Variants in CFAP61 observed in about 807,000 individuals in gnomAD.
CFAP61 encodes the protein cilia and flagella associated protein 61.
Under a neutral mutation model 135.6 loss-of-function variants are expected in CFAP61, and 107 were observed. The ratio of observed to expected loss-of-function variants is 0.79; its 90% CI spans 0.67 to 0.93. The LOEUF is 0.93. Ranked by LOEUF, CFAP61 falls within the 40% of genes least tolerant of loss-of-function variation. The probability of loss-of-function intolerance (pLI) is 0.00; values close to 1 mark genes in which losing one functional copy is unlikely to be tolerated. For synonymous variants in CFAP61, 575 were observed against 578.5 expected (o/e 0.99, Z 0.09); for missense variants, 1,507 against 1,556.2 (o/e 0.97, Z 0.53).
intron 9 of CFAP61, among the ~76,000 whole-genome samples, chr20:20,157,029 T>C (rs930420016): frequency 6.6e-6 from 1 of 152,322 alleles, no homozygotes; most frequent in African/African-American, 2.4e-5. Context: ...AGAGAAACTT[T>C]GAAAAATAAC....
intron 8 of CFAP61, among the ~76,000 whole-genome samples, chr20:20,103,443 A>T (rs1436779857): frequency 1.3e-5 from 2 of 152,032 alleles, no homozygotes; most frequent in Non-Finnish European, 2.9e-5. Flanking sequence ...ATAAGGAAAA[A>T]CTAGTAGAAG....
At chr20:20,184,246 A>G (rs1016822354) in intron 13 of CFAP61, among the ~76,000 whole-genome samples, 1 of 152,180 alleles carries the variant, frequency 6.6e-6, no homozygotes, top group Non-Finnish European at 1.5e-5. Context: ...GTAAAAAAAC[A>G]TGTAATAAGC....
intron 8 of CFAP61, among the ~76,000 whole-genome samples, chr20:20,138,558 C>T (rs963151932): frequency 6.6e-6 from 1 of 152,248 alleles, no homozygotes; most frequent in Non-Finnish European, 1.5e-5. Flanking sequence ...TTCCACGCCA[C>T]GTGGCTACTG....
chr20:20,188,216 G>A (rs1354833098), intron 14 of CFAP61, among the ~76,000 whole-genome samples, 160 bp downstream of exon 14: 1 of 152,218 alleles, frequency 6.6e-6, no homozygotes, highest in Non-Finnish European at 1.5e-5. Flanking sequence ...AAACTGTGGA[G>A]ACTGGGGCTT....
chr20:20,118,984 T>C (rs1332430421), intron 8 of CFAP61, among the ~76,000 whole-genome samples: 1 of 152,088 alleles, frequency 6.6e-6, no homozygotes, highest in Admixed American at 6.6e-5. Context: ...GCCCGACTGG[T>C]GAATGATATC....
intron 25 of CFAP61, among the ~76,000 whole-genome samples, chr20:20,336,494 G>T (rs1171939581): frequency 6.6e-6 from 1 of 151,988 alleles, no homozygotes; most frequent in Non-Finnish European, 1.5e-5. Flanking sequence ...GTGTGATGGT[G>T]TGCACCTATA....
chr20:20,186,388 T>C (rs978769377), intron 13 of CFAP61, among the ~76,000 whole-genome samples: 1 of 152,226 alleles, frequency 6.6e-6, no homozygotes, highest in Non-Finnish European at 1.5e-5. Flanking sequence ...TGTTCTGTTG[T>C]ATGTATCAAT....
chr20:20,119,931 C>T (rs778617951), intron 8 of CFAP61, among the ~76,000 whole-genome samples: 5 of 152,114 alleles, frequency 3.3e-5, no homozygotes, highest in Non-Finnish European at 5.9e-5. Context: ...GTAAGGATAA[C>T]GGCATCCAGC....
chr20:20,151,829 C>CAA (rs386393498), intron 9 of CFAP61, among the ~76,000 whole-genome samples: 13 of 53,356 alleles, frequency 2.4e-4, no homozygotes, highest in East Asian at 4.8e-4. Flanking sequence ...GACTCCGTCT[C>CAA]AAAAAAAAAA....
intron 8 of CFAP61, among the ~76,000 whole-genome samples, chr20:20,131,262 C>G (rs993081267): frequency 8.7e-5 from 13 of 148,838 alleles, no homozygotes; most frequent in Admixed American, 2.6e-4. Flanking sequence ...AGCCAGCTTG[C>G]TTCTACACTG....
chr20:20,249,178 C>T (rs1347895446), intron 19 of CFAP61, among the ~76,000 whole-genome samples: 3 of 152,124 alleles, frequency 2.0e-5, no homozygotes, highest in Admixed American at 1.3e-4. Context: ...TAGTTTCACT[C>T]AACTGGTGAG....
intron 20 of CFAP61, chr20:20,253,449 C>T: frequency 3.2e-6 from 1 of 312,842 alleles, no homozygotes; most frequent in Non-Finnish European, 6.3e-6. Flanking sequence ...CATGGGTTAA[C>T]CTGACCCTGA....
rs1602210678 is a variant in CFAP61, at chr20:20,360,624, G to A, written c.*214G>A. Reference sequence around the variant, plus strand: ...TGTGCCTCTCTTCTGGGGCAGGCTCGCTTTACAAATCCCAGGCATGTTCCT... The same window carrying A: ...TGTGCCTCTCTTCTGGGGCAGGCTCACTTTACAAATCCCAGGCATGTTCCT... On this transcript the variant is annotated 3_prime_UTR_variant, in exon 27 of 27. Transcript: ENST00000245957. 3 of 574,744 alleles carry A rather than the reference G, an allele frequency of 5.2e-6. No individual in the cohort carries two copies. The highest frequency in any genetic ancestry group is 9.2e-6 in the Non-Finnish European group (3 of 326,102). The allele number at this position is 574,744 out of a possible 1,614,324, so 35.6% of individuals were successfully genotyped here. A position where few individuals can be genotyped will look rare whatever the true frequency, so the allele number is the denominator to read the frequency against.
chr20:20,298,229 A>T lies in CFAP61; in HGVS notation c.3265A>T (p.Ile1089Phe), dbSNP rs371256877. Residue 1089 changes from isoleucine (I) to phenylalanine (F), a missense_variant, in exon 25 of 27, where the codon ATT becomes TTT. Coordinates refer to ENST00000245957, the MANE Select transcript of CFAP61 (RefSeq NM_015585.4). ...TGCGAAAAATGGGACTTACTTCCGA[A>T]TTCATATTAACAAGTATAAAATGGT... ...GSAKNGTYFR[I>F]HINKYKMVET... The T allele has an allele frequency of 1.2e-6, 2 of 1,614,010 alleles. No homozygotes were observed. The highest frequency in any genetic ancestry group is 2.7e-5 in the African/African-American group (2 of 74,890).
intron 2 of CFAP61, among the ~76,000 whole-genome samples, chr20:20,067,344 A>T (rs942196063): frequency 1.3e-5 from 2 of 152,092 alleles, no homozygotes; most frequent in Non-Finnish European, 2.9e-5. Flanking sequence ...GCAGTTTGGG[A>T]GGTTGAGGTG....
intron 6 of CFAP61, among the ~76,000 whole-genome samples, chr20:20,077,127 A>T (rs1056851562): frequency 6.6e-6 from 1 of 152,200 alleles, no homozygotes; most frequent in Non-Finnish European, 1.5e-5. Flanking sequence ...AGACAGCTTC[A>T]TTACAACTGC....
At chr20:20,268,197 A>G (rs2052953558) in intron 21 of CFAP61, among the ~76,000 whole-genome samples, 1 of 152,168 alleles carries the variant, frequency 6.6e-6, no homozygotes, top group African/African-American at 2.4e-5. Flanking sequence ...GAGTTGGGGC[A>G]AGGGAGCCAA....
intron 16 of CFAP61, 62 bp from the exon 17 acceptor site, chr20:20,199,706 A>G: frequency 1.9e-6 from 3 of 1,586,392 alleles, no homozygotes; most frequent in South Asian, 1.1e-5. Flanking sequence ...AGCTGTACGC[A>G]GACATCTGTG....
chr20:20,058,272 G>T (rs906839052), intron 2 of CFAP61, among the ~76,000 whole-genome samples: 2 of 152,092 alleles, frequency 1.3e-5, no homozygotes, highest in African/African-American at 4.8e-5. Flanking sequence ...TTATTTTTTG[G>T]CATTATGGTG....
Sources: gnomAD v4.1 joint callset for allele counts (sites outside exome capture counted in the v4.1 genomes callset) on GRCh38, gnomAD v4.1.1 for gene constraint, MANE v1.5 for transcripts, NCBI Gene and HGNC (gene_info 2026-07-23, HGNC 2026-07-21) for gene names.